Variants in NR4A2 observed in about 807,000 individuals in gnomAD.
NR4A2 encodes NGFI-B/nur77 beta-type transcription factor homolog.
Under a neutral mutation model 50.5 loss-of-function variants are expected in NR4A2, and 1 was observed. That is an observed-to-expected ratio of 0.02 (90% CI 0.01 to 0.09). The LOEUF is 0.09. Ranked by LOEUF, NR4A2 falls within the 10% of genes least tolerant of loss-of-function variation. The pLI, the probability that NR4A2 is intolerant of heterozygous loss-of-function variation, is 1.00. For synonymous variants in NR4A2, 328 were observed against 309.4 expected (o/e 1.06, Z -0.63); for missense variants, 613 against 777.3 (o/e 0.79, Z 2.51).
chr2:156,328,540 A>C lies in NR4A2; in HGVS notation c.865-7T>G. The C allele has an allele frequency of 6.2e-7, 1 of 1,614,198 alleles. No homozygotes were observed. On this transcript the variant is annotated splice_region_variant and splice_polypyrimidine_tract_variant and intron_variant, in intron 3 of 7. Transcript: ENST00000339562. The surrounding 1 kb of genome is among the most constrained non-coding windows in gnomAD (Gnocchi z 4.9). The stretch of plus-strand genomic sequence containing the variant: ...CATTTTTTTGCACTGTGCGCTGCAA[A>C]AGGAGACAATATAGACCAACATTTT...
In NR4A2 at chr2:156,325,838, T is replaced by G; in HGVS notation, c.1703A>C (p.Gln568Pro). 4 of 1,614,208 alleles carry G rather than the reference T, an allele frequency of 2.5e-6. No individual in the cohort carries two copies. The highest frequency in any genetic ancestry group is 3.4e-6 in the Non-Finnish European group (4 of 1,180,036). The change falls in exon 8 of 8, where the codon CAG becomes CCG. Residue 568 changes from glutamine to proline, a missense_variant. By Grantham distance (76) the Gln-to-Pro change is moderately conservative (BLOSUM62 -1). Transcript: ENST00000339562. The stretch of plus-strand genomic sequence containing the variant: ...CAGGTAGAAAATGCGCTGTAGCCCC[T>G]GTGTGCAAAGGGTACGAAGTTCTGG... Reference protein sequence around the residue: ...KLPELRTLCTQGLQRIFYLKL... With the variant: ...KLPELRTLCTPGLQRIFYLKL...
At chr2:156,332,364 A>G (rs1452179209) in intron 1 of NR4A2, 116 bp downstream of exon 1, 1 of 880,804 alleles carries the variant, frequency 1.1e-6, no homozygotes, top group Non-Finnish European at 1.6e-6. Flanking sequence ...CACTCTCACT[A>G]GAAGCCTCTG....
rs777620639 is a variant in NR4A2, at chr2:156,327,959, C to A, written c.1050G>T (p.Lys350Asn). The A allele has an allele frequency of 6.2e-7, 1 of 1,600,702 alleles. No homozygotes were observed. Among genetic ancestry groups the A allele is most frequent in the Admixed American group, 1.7e-5 (1 of 58,624 alleles). Reference sequence around the variant, plus strand: ...AAGGGGGAGAGGGCTCCTGTGGGCTCTTCGGTTTCGAGGGCAAACGACCTC... The same window carrying A: ...AAGGGGGAGAGGGCTCCTGTGGGCTATTCGGTTTCGAGGGCAAACGACCTC... ...GRRGRLPSKP[K>N]SPQEPSPPSP... The change falls in exon 5 of 8, where the codon AAG becomes AAT. Residue 350 changes from lysine to asparagine, a missense_variant. Lys to Asn is a moderately conservative substitution (Grantham distance 94, BLOSUM62 0). Around this residue, in one of 4 missense-constraint regions of NR4A2, gnomAD observed 250 missense variants for 311.3 expected, o/e 0.80. Transcript: ENST00000339562.
Position 156,332,614 on chromosome 2 carries a change from G to C in NR4A2, c.-261C>G, listed in dbSNP as rs528133483. On this transcript the variant is annotated 5_prime_UTR_variant, in exon 1 of 8. Transcript: ENST00000339562. Reference sequence around the variant, plus strand: ...AACCCGGACACCTCACGGAGGGAGGGAGCAGGGACAGGCGGCCGGCTGGAC... The same window carrying C: ...AACCCGGACACCTCACGGAGGGAGGCAGCAGGGACAGGCGGCCGGCTGGAC... 1.6e-4 allele frequency: 110 copies of C among 706,782 alleles called. 1 individual carries two copies. The African/African-American group carries it at 1.7e-3, about 11-fold the overall frequency. 43.8% of individuals were successfully genotyped at this position (706,782 alleles called of 1,614,324 possible). A position where few individuals can be genotyped will look rare whatever the true frequency, so the allele number is the denominator to read the frequency against.
rs1365219235 is a variant in NR4A2, at chr2:156,328,580, A to G, written c.865-47T>C. The G allele has an allele frequency of 6.2e-7, 1 of 1,613,438 alleles. No individual in the cohort carries two copies. Among genetic ancestry groups the G allele is most frequent in the Non-Finnish European group, 8.5e-7 (1 of 1,179,858 alleles). On this transcript the variant is annotated intron_variant, in intron 3 of 7. Transcript: ENST00000339562. The surrounding 1 kb of genome is among the most constrained non-coding windows in gnomAD (Gnocchi z 4.9). Reference sequence around the variant, plus strand: ...ACCAACATTTTTTTTCTTCTTTTGAAAATCAGGCAACTCGGAGAAAATTTC... The same window carrying G: ...ACCAACATTTTTTTTCTTCTTTTGAGAATCAGGCAACTCGGAGAAAATTTC...
At position 156,328,255 on chromosome 2, in the gene NR4A2, C is replaced by G; in HGVS notation, c.994+149G>C. The G allele has an allele frequency of 7.3e-7, 1 of 1,364,296 alleles. No individual in the cohort carries two copies. The highest frequency in any genetic ancestry group is 1.0e-6 in the Non-Finnish European group (1 of 966,210). The allele number at this position is 1,364,296 out of a possible 1,614,324, so 84.5% of individuals were successfully genotyped here. A position where few individuals can be genotyped will look rare whatever the true frequency, so the allele number is the denominator to read the frequency against. On this transcript the variant is annotated intron_variant, in intron 4 of 7. Transcript: ENST00000339562. This position sits in a 1 kb window ranked among gnomAD's most constrained non-coding sequence, Gnocchi z 4.9. The stretch of plus-strand genomic sequence containing the variant: ...CCTGGCGGCTTTCTCTAGGGAAGGC[C>G]GGGCAAGCAGGCAGCTGCAGGGTCC...
Position 156,325,802 on chromosome 2 carries a change from T to A in NR4A2, c.1739A>T (p.Asp580Val). 1 of 1,614,164 alleles carries A rather than the reference T, an allele frequency of 6.2e-7. No individual in the cohort carries two copies. The highest frequency in any genetic ancestry group is 8.5e-7 in the Non-Finnish European group (1 of 1,180,022). The stretch of plus-strand genomic sequence containing the variant: ...AATTATTGCTGGCGGTGGCACCAAG[T>A]CTTCCAATTTCAGGTAGAAAATGCG... The part of the protein sequence containing the change: ...LQRIFYLKLE[D>V]LVPPPAIIDK... Residue 580 changes from aspartate to valine, a missense_variant, in exon 8 of 8, where the codon GAC (aspartate) becomes GTC (valine). Asp to Val is a radical substitution (Grantham distance 152). Coordinates refer to ENST00000339562, the MANE Select transcript of NR4A2 (RefSeq NM_006186.4).
In NR4A2 at chr2:156,326,912, C is replaced by T. The variant is rs780839607; in HGVS notation, c.1167G>A (p.Ala389=). ...CTCCACTCATTTGATAGTCAGGGTTCGCCTGGAACTGGAATTTCATTTTAA... is the reference window on the plus strand; with the variant it reads ...CTCCACTCATTTGATAGTCAGGGTTTGCCTGGAACTGGAATTTCATTTTAA... ...MTSLDYSRFQ[A]NPDYQMSGDD... is the part of the protein sequence containing the mutation. Residue 389 remains alanine (A), a synonymous_variant, in exon 6 of 8, where the codon GCG becomes GCA. Coordinates refer to ENST00000339562, the MANE Select transcript of NR4A2 (RefSeq NM_006186.4). This position sits in a 1 kb window ranked among gnomAD's most constrained non-coding sequence, Gnocchi z 4.2. 1.4e-5 allele frequency: 23 copies of T among 1,613,948 alleles called. No individual in the cohort carries two copies. The highest frequency in any genetic ancestry group is 4.5e-5 in the East Asian group (2 of 44,894).
In NR4A2 at chr2:156,332,629, G is replaced by A. The variant is rs913396263; in HGVS notation, c.-276C>T. ...CGGAGGGAGGGAGCAGGGACAGGCG[G>A]CCGGCTGGACAGGCAAAAGGGACCG... On this transcript the variant is annotated 5_prime_UTR_variant, in exon 1 of 8. Coordinates refer to ENST00000339562, the MANE Select transcript of NR4A2 (RefSeq NM_006186.4). 4 of 608,516 alleles carry A rather than the reference G, an allele frequency of 6.6e-6. No individual in the cohort carries two copies. The highest frequency in any genetic ancestry group is 4.5e-5 in the South Asian group (3 of 67,056). The allele number at this position is 608,516 out of a possible 1,614,324, so 37.7% of individuals were successfully genotyped here.
At chr2:156,332,453 C>T in intron 1 of NR4A2, 27 bp downstream of exon 1, 1 of 1,287,084 alleles carries the variant, frequency 7.8e-7, no homozygotes, top group Non-Finnish European at 1.0e-6. Flanking sequence ...TAAAAGAAGG[C>T]GAACTGCATG....
chr2:156,332,349 G>C (rs761232508), intron 1 of NR4A2, 131 bp downstream of exon 1: 2 of 699,438 alleles, frequency 2.9e-6, no homozygotes, highest in South Asian at 1.5e-5. Context: ...CCCATCCTTC[G>C]GTCCCACTCT....
rs982002875 is a variant in NR4A2 at position 156,326,357 on chromosome 2, G to C, written c.1362-29C>G. ...CAATTAATACCAAAGAGAGAGAGGG[G>C]AGAAAAAGAGAGAGAGAAAAGCTAA... On this transcript the variant is annotated intron_variant, in intron 6 of 7. Coordinates refer to ENST00000339562, the MANE Select transcript of NR4A2 (RefSeq NM_006186.4). This position sits in a 1 kb window ranked among gnomAD's most constrained non-coding sequence, Gnocchi z 4.2. 1.3e-6 allele frequency: 2 copies of C among 1,583,582 alleles called. No homozygotes were observed. The highest frequency in any genetic ancestry group is 2.7e-5 in the African/African-American group (2 of 74,264).
Position 156,324,758 on chromosome 2 carries a change from A to T in NR4A2, c.*986T>A, listed in dbSNP as rs1203238300. The T allele has an allele frequency of 6.6e-6, 1 of 152,666 alleles. No homozygotes were observed. Among genetic ancestry groups the T allele is most frequent in the East Asian group, 1.9e-4 (1 of 5,204 alleles). The allele number at this position is 152,666 out of a possible 1,614,324, so 9.5% of individuals were successfully genotyped here. Reference sequence around the variant, plus strand: ...AAGCTGCTGCATGCAAGTTTTGTTTAGCTTTAGACAACAAAATAATCAAGA... The same window carrying T: ...AAGCTGCTGCATGCAAGTTTTGTTTTGCTTTAGACAACAAAATAATCAAGA... On this transcript the variant is annotated 3_prime_UTR_variant, in exon 8 of 8. Transcript: ENST00000339562.
chr2:156,325,342 GT>G lies in NR4A2; in HGVS notation c.*401del. The stretch of plus-strand genomic sequence containing the variant: ...TGTGTCTCTGTGTGTGTGTGTGTGT[GT>G]GTATGTGTGTGTGTGTTACATTTGT... On this transcript the variant is annotated 3_prime_UTR_variant, in exon 8 of 8. Transcript: ENST00000339562. The G allele has an allele frequency of 3.3e-6, 1 of 304,156 alleles. No homozygotes were observed. Among genetic ancestry groups the G allele is most frequent in the Non-Finnish European group, 6.4e-6 (1 of 155,446 alleles). 18.8% of individuals were successfully genotyped at this position (304,156 alleles called of 1,614,324 possible). A position where few individuals can be genotyped will look rare whatever the true frequency, so the allele number is the denominator to read the frequency against.
intron 1 of NR4A2, chr2:156,332,099 G>A (rs1318659510): frequency 5.8e-6 from 1 of 172,060 alleles, no homozygotes; most frequent in South Asian, 1.2e-4. Flanking sequence ...CAGTTTGTGG[G>A]CAGCTTCCCT....
chr2:156,326,381 A>G lies in NR4A2; in HGVS notation c.1362-53T>C, dbSNP rs1034919151. The G allele has an allele frequency of 1.6e-5, 24 of 1,500,864 alleles. No individual in the cohort carries two copies. The African/African-American group carries it at 2.9e-4, about 18-fold the overall frequency. 93.0% of individuals were successfully genotyped at this position (1,500,864 alleles called of 1,614,324 possible). A position where few individuals can be genotyped will look rare whatever the true frequency, so the allele number is the denominator to read the frequency against. On this transcript the variant is annotated intron_variant, in intron 6 of 7. Coordinates refer to ENST00000339562, the MANE Select transcript of NR4A2 (RefSeq NM_006186.4). The surrounding 1 kb of genome is among the most constrained non-coding windows in gnomAD (Gnocchi z 4.2). ...GGAGAAAAAGAGAGAGAGAAAAGCT[A>G]AACAACTAATTACTTGAAGAGCAAT... is the stretch of plus-strand genomic sequence containing the variant.
Position 156,330,152 on chromosome 2 carries a change from G to A in NR4A2, c.35C>T (p.Pro12Leu). The A allele has an allele frequency of 6.2e-7, 1 of 1,614,144 alleles. No individual in the cohort carries two copies. ...CTGAGAAGCGGGGCTGGCTCCTTGAGGCGAGGACCCATACTGCGCCTGAAC... is the reference window on the plus strand; with the variant it reads ...CTGAGAAGCGGGGCTGGCTCCTTGAAGCGAGGACCCATACTGCGCCTGAAC... Reference protein sequence around the residue: ...PCVQAQYGSSPQGASPASQSY... With the variant: ...PCVQAQYGSSLQGASPASQSY... The change falls in exon 3 of 8, where the codon CCT (proline) becomes CTT (leucine). Residue 12 changes from proline to leucine, a missense_variant. Transcript: ENST00000339562.
chr2:156,326,075 TG>T lies in NR4A2; in HGVS notation c.1540+74del, dbSNP rs1360814141. The stretch of plus-strand genomic sequence containing the variant: ...CTAGTTGGCAAAACCAAGGAGAATC[TG>T]TGACAAGGGAAACTCAGGACAAATC... On this transcript the variant is annotated intron_variant, in intron 7 of 7. Transcript: ENST00000339562. The surrounding 1 kb of genome is among the most constrained non-coding windows in gnomAD (Gnocchi z 4.2). 5.0e-6 allele frequency: 8 copies of T among 1,613,252 alleles called. No homozygotes were observed. In the African/African-American group the frequency reaches 1.1e-4, roughly 22 times the overall value.
At position 156,327,724 on chromosome 2, in the gene NR4A2, C is replaced by T. The variant is rs939481959; in HGVS notation, c.1158+127G>A. On this transcript the variant is annotated intron_variant, in intron 5 of 7. Coordinates refer to ENST00000339562, the MANE Select transcript of NR4A2 (RefSeq NM_006186.4). ...AATCTTGAGGCCCTGGCCAGAGCTG[C>T]GAGGCATATACAGCCTTGCTTGCCT... The T allele has an allele frequency of 1.7e-5, 19 of 1,150,834 alleles. No homozygotes were observed. The Admixed American group carries it at 3.2e-4, about 19-fold the overall frequency. The allele number at this position is 1,150,834 out of a possible 1,614,324, so 71.3% of individuals were successfully genotyped here. A position where few individuals can be genotyped will look rare whatever the true frequency, so the allele number is the denominator to read the frequency against.
Sources: allele counts gnomAD v4.1 joint callset, GRCh38; gene constraint gnomAD v4.1.1; regional missense constraint gnomAD v4.1.1; non-coding constraint Gnocchi (gnomAD v3.1); transcripts MANE v1.5; gene names NCBI Gene and HGNC (gene_info 2026-07-23, HGNC 2026-07-21).